FGGY: variants seen among roughly 807,000 people sequenced by gnomAD.
The protein encoded by FGGY is FGGY carbohydrate kinase domain-containing protein.
FGGY carries 72 observed loss-of-function variants against 71.3 expected under a neutral mutation model. That is an observed-to-expected ratio of 1.01 (90% confidence interval 0.84 to 1.23). The LOEUF is 1.23. Among genes scored for constraint, FGGY ranks in the 50% most tolerant of loss-of-function variants. The pLI is 0.00. For synonymous variants in FGGY, 251 were observed against 250.3 expected (o/e 1.00, Z -0.02); for missense variants, 668 against 682.3 (o/e 0.98, Z 0.23).
At chr1:59,492,340 A>G (rs1248831302) in intron 6 of FGGY, among the ~76,000 whole-genome samples, 1 of 152,182 alleles carries the variant, frequency 6.6e-6, no homozygotes, top group Non-Finnish European at 1.5e-5. Flanking sequence ...ATGGGGTACT[A>G]AAAAGATGAC....
chr1:59,365,846 T>C (rs2056491205), intron 4 of FGGY, among the ~76,000 whole-genome samples: 1 of 152,342 alleles, frequency 6.6e-6, no homozygotes, highest in Middle Eastern at 3.4e-3. Context: ...TTATATTATT[T>C]CATTTAATTC....
Position 59,340,048 on chromosome 1 carries a change from C to A in FGGY, c.292C>A (p.Pro98Thr), listed in dbSNP as rs370879908. ...SLVVLDKQFH[P>T]LPVNQEGDSH... Reference sequence around the variant, plus strand: ...GGTTGTTTTGGATAAGCAGTTTCACCCATTACCAGTCAACCAGGAAGGTAA... The same window carrying A: ...GGTTGTTTTGGATAAGCAGTTTCACACATTACCAGTCAACCAGGAAGGTAA... The change falls in exon 3 of 16, where the codon CCA (proline) becomes ACA (threonine). Residue 98 changes from proline to threonine, a missense_variant. This residue lies in a region of FGGY where 661 missense variants were observed against 661.6 expected (regional missense o/e 1.00). Transcript: ENST00000303721. 139 of 1,612,168 alleles carry A rather than the reference C, an allele frequency of 8.6e-5. No homozygotes were observed. Among genetic ancestry groups the A allele is most frequent in the Non-Finnish European group, 1.2e-4 (137 of 1,179,052 alleles).
intron 7 of FGGY, among the ~76,000 whole-genome samples, chr1:59,553,321 G>C (rs977264124): frequency 6.6e-6 from 1 of 152,168 alleles, no homozygotes; most frequent in African/African-American, 2.4e-5. Flanking sequence ...ATCGTTTTGT[G>C]CATAGAAGGG....
rs72913768 is a variant in FGGY, at chr1:59,434,533, C to G, written c.555-22428C>G. ...AGAGGGCATACCCAGCTGTCTTAGT[C>G]ATTTTGGGCTGCTATTAAAAAATGC... is the stretch of plus-strand genomic sequence containing the variant. On this transcript the variant is annotated intron_variant, in intron 5 of 15. Coordinates refer to ENST00000303721, the MANE Select transcript of FGGY (RefSeq NM_018291.5). Among the ~76,000 whole-genome samples, 762 of 152,292 alleles carry G rather than the reference C, an allele frequency of 5.0e-3. 6 individuals carry two copies. The highest frequency in any genetic ancestry group is 0.017 in the African/African-American group (719 of 41,568).
chr1:59,564,614 C>G (rs78022655), intron 8 of FGGY, among the ~76,000 whole-genome samples: 2 of 152,204 alleles, frequency 1.3e-5, no homozygotes, highest in Non-Finnish European at 2.9e-5. Flanking sequence ...GAGATCCACT[C>G]CACACTTACT....
chr1:59,315,499 T>G (rs1186558636), intron 1 of FGGY: 1 of 151,884 alleles, frequency 6.6e-6, no homozygotes, highest in Non-Finnish European at 1.5e-5. Flanking sequence ...TCAGATTCTT[T>G]TGAATTTTTC....
intron 4 of FGGY, among the ~76,000 whole-genome samples, chr1:59,366,315 G>A (rs967140908): frequency 1.3e-5 from 2 of 152,014 alleles, no homozygotes; most frequent in Admixed American, 6.6e-5. Context: ...ATCTAATGGG[G>A]GTAATGCGTC....
intron 14 of FGGY, among the ~76,000 whole-genome samples, chr1:59,732,050 G>A (rs939330733): frequency 6.6e-6 from 1 of 152,082 alleles, no homozygotes; most frequent in Admixed American, 6.6e-5. Context: ...TACCAGTCCC[G>A]TCATCATCCA....
chr1:59,752,564 C>G (rs1198010053), intron 14 of FGGY, among the ~76,000 whole-genome samples: 3 of 152,202 alleles, frequency 2.0e-5, no homozygotes, highest in Admixed American at 2.0e-4. Flanking sequence ...ATCAGTAAGT[C>G]TACCACTCAT....
At chr1:59,650,075 C>A (rs534249258) in intron 11 of FGGY, among the ~76,000 whole-genome samples, 1 of 148,578 alleles carries the variant, frequency 6.7e-6, no homozygotes, top group Non-Finnish European at 1.5e-5. Context: ...GTATATTGAA[C>A]CAGCCTTGAT....
intron 7 of FGGY, among the ~76,000 whole-genome samples, chr1:59,516,431 A>C (rs1335173837): frequency 6.6e-6 from 1 of 152,232 alleles, no homozygotes; most frequent in Non-Finnish European, 1.5e-5. Flanking sequence ...TTTGTAGCTT[A>C]ATAGTATAGG....
At position 59,582,657 on chromosome 1, in the gene FGGY, T is replaced by A. The variant is rs1394590535; in HGVS notation, c.904-25146T>A. 1.4e-5 allele frequency among the ~76,000 whole-genome samples: 2 copies of A among 147,064 alleles called. 1 individual carries two copies. The highest frequency in any genetic ancestry group is 3.9e-4 in the East Asian group (2 of 5,090). On this transcript the variant is annotated intron_variant, in intron 8 of 15. Transcript: ENST00000303721. The stretch of plus-strand genomic sequence containing the variant: ...AGCTTTCAGACTAGATTAGGTGGTG[T>A]ATCTATGTGCATCCATGGTACATAC...
chr1:59,470,964 G>A (rs1017340959), intron 6 of FGGY, among the ~76,000 whole-genome samples: 7 of 152,130 alleles, frequency 4.6e-5, no homozygotes, highest in African/African-American at 1.4e-4. Flanking sequence ...TTTATATTGA[G>A]AGCTCTGGAG....
intron 5 of FGGY, among the ~76,000 whole-genome samples, chr1:59,403,912 C>A (rs1227242248): frequency 1.3e-5 from 2 of 152,190 alleles, no homozygotes; most frequent in African/African-American, 2.4e-5. Context: ...GGACATGCCT[C>A]ACAGGGTGGT....
intron 4 of FGGY, among the ~76,000 whole-genome samples, chr1:59,372,692 A>G (rs1436634030): frequency 8.5e-5 from 13 of 152,216 alleles, no homozygotes; most frequent in Non-Finnish European, 1.9e-4. Flanking sequence ...CCAGCACCAC[A>G]TCAAAAAGCT....
intron 5 of FGGY, among the ~76,000 whole-genome samples, chr1:59,383,869 T>C (rs1204159944): frequency 6.6e-6 from 1 of 152,162 alleles, no homozygotes; most frequent in East Asian, 1.9e-4. Context: ...ATGTCTCGTG[T>C]CTCCCTAAAA....
intron 14 of FGGY, among the ~76,000 whole-genome samples, chr1:59,693,434 C>T (rs1227557283): frequency 6.6e-6 from 1 of 152,148 alleles, no homozygotes; most frequent in African/African-American, 2.4e-5. Context: ...CTCATAAGGT[C>T]GTTGTGATGA....
rs755161827 is a variant in FGGY at position 59,553,042 on chromosome 1, A to T, written c.800-1082A>T. On this transcript the variant is annotated intron_variant, in intron 7 of 15. Coordinates refer to ENST00000303721, the MANE Select transcript of FGGY (RefSeq NM_018291.5). ...TCCTAGAGGGTCAGGGAAGCCCTAT[A>T]ATTAGGAGTCGGCCTGACAGCGAGG... is the stretch of plus-strand genomic sequence containing the variant. Among the ~76,000 whole-genome samples the T allele has an allele frequency of 5.6e-4, 86 of 152,292 alleles. 1 individual carries two copies. In the Middle Eastern group the frequency reaches 0.014, roughly 24 times the overall value.
chr1:59,450,598 T>C (rs1309580247), intron 5 of FGGY, among the ~76,000 whole-genome samples: 2 of 152,132 alleles, frequency 1.3e-5, no homozygotes, highest in East Asian at 1.9e-4. Context: ...ATAGCTATTA[T>C]TACTCTTATA....
Sources: allele counts gnomAD v4.1 joint callset (sites outside exome capture counted in the v4.1 genomes callset), GRCh38; gene constraint gnomAD v4.1.1; regional missense constraint gnomAD v4.1.1; transcripts MANE v1.5; gene names NCBI Gene and HGNC (gene_info 2026-07-23, HGNC 2026-07-21).